Variants in CACNA1D observed in about 807,000 individuals in gnomAD.
The protein encoded by CACNA1D is calcium voltage-gated channel subunit alpha1 D.
A neutral mutation model predicts 257.1 loss-of-function variants in CACNA1D; 55 were observed. The observed-to-expected ratio is 0.21, with a 90% CI of 0.17 to 0.27. CACNA1D has a LOEUF of 0.27. Among genes scored for constraint, CACNA1D ranks in the 10% least tolerant of loss-of-function variants. CACNA1D has a pLI of 1.00. For synonymous variants in CACNA1D, 980 were observed against 1,014.9 expected (o/e 0.97, Z 0.65); for missense variants, 1,876 against 2,784.0 (o/e 0.67, Z 7.34).
chr3:53,755,613 C>T (rs1269400621), intron 29 of CACNA1D, among the ~76,000 whole-genome samples: 2 of 152,182 alleles, frequency 1.3e-5, no homozygotes, highest in South Asian at 2.1e-4. Flanking sequence ...AAGATATCTT[C>T]ATAGCATTAG....
intron 21 of CACNA1D, among the ~76,000 whole-genome samples, chr3:53,741,949 T>A (rs1281149233): frequency 6.6e-6 from 1 of 152,244 alleles, no homozygotes. Context: ...TTAATTTCGG[T>A]AGAATTGCTT....
chr3:53,676,636 G>T (rs1273977950), intron 8 of CACNA1D, among the ~76,000 whole-genome samples: 3 of 152,232 alleles, frequency 2.0e-5, no homozygotes. Flanking sequence ...CAGCCATTTG[G>T]AAATACCTGT....
intron 3 of CACNA1D, among the ~76,000 whole-genome samples, chr3:53,541,603 A>G (rs1559813966): frequency 1.3e-5 from 2 of 152,192 alleles, no homozygotes; most frequent in East Asian, 3.8e-4. Context: ...GGGACTGACC[A>G]GTCTTTTGGA....
At chr3:53,695,776 T>C (rs2094567857) in intron 8 of CACNA1D, among the ~76,000 whole-genome samples, 1 of 152,198 alleles carries the variant, frequency 6.6e-6, no homozygotes, top group African/African-American at 2.4e-5. Flanking sequence ...ATGTCTCTGG[T>C]CTTCCTCAGC....
chr3:53,582,020 T>C lies in CACNA1D; in HGVS notation c.484-68759T>C, dbSNP rs557774100. 1.8e-3 allele frequency among the ~76,000 whole-genome samples: 273 copies of C among 152,302 alleles called. 1 individual carries two copies. The highest frequency in any genetic ancestry group is 2.7e-3 in the Non-Finnish European group (181 of 68,018). On this transcript the variant is annotated intron_variant, in intron 3 of 47. Transcript: ENST00000350061. ...TCTGGGGTCCTTCTCCTGGTTATCA[T>C]TGTTTGTACTGTATGCACAGATCCC... is the stretch of plus-strand genomic sequence containing the variant.
chr3:53,735,867 A>G (rs752456624), intron 20 of CACNA1D, among the ~76,000 whole-genome samples: 26 of 152,224 alleles, frequency 1.7e-4, no homozygotes, highest in Non-Finnish European at 2.1e-4. Flanking sequence ...GTGGAAGCAC[A>G]CAGCAGGGAG....
Position 53,523,690 on chromosome 3 carries a change from C to A in CACNA1D, c.483+21970C>A, listed in dbSNP as rs2091661181. Among the ~76,000 whole-genome samples, 3 of 152,352 alleles carry A rather than the reference C, an allele frequency of 2.0e-5. No individual in the cohort carries two copies. In the South Asian group the frequency reaches 6.2e-4, roughly 32 times the overall value. On this transcript the variant is annotated intron_variant, in intron 3 of 47. Coordinates refer to ENST00000350061, the MANE Select transcript of CACNA1D (RefSeq NM_001128840.3). Reference sequence around the variant, plus strand: ...AACCCACGTTAGGCACTCAGTCCTGCCTTCAGGCCCCCCTTTGCCACTCTC... The same window carrying A: ...AACCCACGTTAGGCACTCAGTCCTGACTTCAGGCCCCCCTTTGCCACTCTC...
intron 3 of CACNA1D, among the ~76,000 whole-genome samples, chr3:53,581,049 C>T (rs969429700): frequency 2.6e-5 from 4 of 152,208 alleles, no homozygotes; most frequent in African/African-American, 4.8e-5. Context: ...TATCCTGTCT[C>T]GCCCAGTCAG....
chr3:53,521,454 C>T (rs1030526943), intron 3 of CACNA1D, among the ~76,000 whole-genome samples: 5 of 152,162 alleles, frequency 3.3e-5, no homozygotes, highest in Admixed American at 3.3e-4. Context: ...GTTGCCTGTT[C>T]CAACTCCCTT....
intron 4 of CACNA1D, among the ~76,000 whole-genome samples, chr3:53,653,016 C>T (rs748427016): frequency 5.3e-5 from 8 of 152,108 alleles, no homozygotes; most frequent in African/African-American, 1.9e-4. Context: ...TTTGGGAGGC[C>T]GAGGTGGGTG....
intron 3 of CACNA1D, among the ~76,000 whole-genome samples, chr3:53,573,117 T>G (rs1253718122): frequency 6.6e-6 from 1 of 152,244 alleles, no homozygotes; most frequent in African/African-American, 2.4e-5. Context: ...CTGTTAGGCC[T>G]TCATGGATTC....
intron 3 of CACNA1D, among the ~76,000 whole-genome samples, chr3:53,559,061 AT>A (rs2092693724): frequency 6.6e-6 from 1 of 151,554 alleles, no homozygotes; most frequent in Non-Finnish European, 1.5e-5. Flanking sequence ...TATTTTTATA[AT>A]CTTTTTTTCT....
intron 9 of CACNA1D, among the ~76,000 whole-genome samples, chr3:53,704,012 G>C: frequency 6.6e-6 from 1 of 152,194 alleles, no homozygotes; most frequent in Non-Finnish European, 1.5e-5. Flanking sequence ...CCTGACCCAG[G>C]GGACTAGCGT....
chr3:53,631,080 G>A (rs932534156), intron 3 of CACNA1D, among the ~76,000 whole-genome samples: 6 of 152,188 alleles, frequency 3.9e-5, no homozygotes, highest in Non-Finnish European at 5.9e-5. Context: ...AGTGGTTGCC[G>A]AAGAAGGCTG....
At chr3:53,537,179 A>G (rs567859670) in intron 3 of CACNA1D, among the ~76,000 whole-genome samples, 7 of 152,210 alleles carry the variant, frequency 4.6e-5, no homozygotes, top group Non-Finnish European at 1.0e-4. Context: ...TTAACATTCC[A>G]AAAAATGTTT....
At chr3:53,630,070 C>T (rs140694560) in intron 3 of CACNA1D, among the ~76,000 whole-genome samples, 9 of 152,178 alleles carry the variant, frequency 5.9e-5, no homozygotes, top group East Asian at 5.8e-4. Flanking sequence ...AAGCCAGTTA[C>T]GGGGAGGCTC....
rs928318970 is a variant in CACNA1D at position 53,741,115 on chromosome 3, C to G, written c.2811+776C>G. ...TTGTGGACTGACTGTGAAGTCTGCC[C>G]CATGGGGAGCCCATTCCTTATGTGC... is the stretch of plus-strand genomic sequence containing the variant. On this transcript the variant is annotated intron_variant, in intron 21 of 47. Transcript: ENST00000350061. Among the ~76,000 whole-genome samples, 3 of 152,240 alleles carry G rather than the reference C, an allele frequency of 2.0e-5. No individual in the cohort carries two copies. In the South Asian group the frequency reaches 6.2e-4, roughly 32 times the overall value.
At chr3:53,582,515 G>GA (rs2093149893) in intron 3 of CACNA1D, among the ~76,000 whole-genome samples, 1 of 152,106 alleles carries the variant, frequency 6.6e-6, no homozygotes, top group African/African-American at 2.4e-5. Flanking sequence ...GCTTGACTTG[G>GA]AAAGGGGGAC....
chr3:53,567,677 A>C (rs1312781723), intron 3 of CACNA1D, among the ~76,000 whole-genome samples: 1 of 152,258 alleles, frequency 6.6e-6, no homozygotes, highest in Non-Finnish European at 1.5e-5. Flanking sequence ...ATTCATAAAA[A>C]ATAAGCCAAG....
Sources: gnomAD v4.1 joint callset for allele counts (sites outside exome capture counted in the v4.1 genomes callset) on GRCh38, gnomAD v4.1.1 for gene constraint, MANE v1.5 for transcripts, NCBI Gene and HGNC (gene_info 2026-07-23, HGNC 2026-07-21) for gene names.